Variants in TNFAIP8 observed in about 807,000 individuals in gnomAD.
The protein encoded by TNFAIP8 is TNF alpha induced protein 8, also known as tumor necrosis factor alpha-induced protein 8.
A neutral mutation model predicts 13.3 loss-of-function variants in TNFAIP8; 7 were observed. The ratio of observed to expected loss-of-function variants is 0.52; its 90% CI spans 0.30 to 0.99. TNFAIP8 has a LOEUF of 0.99. Among genes scored for constraint, TNFAIP8 ranks in the 50% least tolerant of loss-of-function variants. TNFAIP8 has a pLI of 0.07. For synonymous variants in TNFAIP8, 94 were observed against 87.6 expected, an observed-to-expected ratio of 1.07 and a Z score of -0.41; for missense variants, 258 against 236.9, an observed-to-expected ratio of 1.09 and a Z score of -0.58.
At position 119,338,501 on chromosome 5, in the gene TNFAIP8, G is replaced by A. The variant is rs746315392; in HGVS notation, c.2-54315G>A. Among the ~76,000 whole-genome samples, 9 of 152,202 alleles carry A rather than the reference G, an allele frequency of 5.9e-5. 1 individual carries two copies. The highest frequency in any genetic ancestry group is 1.3e-4 in the Non-Finnish European group (9 of 68,040). On this transcript the variant is annotated intron_variant, in intron 1 of 1. Transcript: ENST00000274456. ...ATCAGTCACCAGACAGGCCAGACAT[G>A]GCCCTGCTGGAGAGGAGGCTTTCGG... is the stretch of plus-strand genomic sequence containing the variant.
In TNFAIP8 at chr5:119,286,441, G is replaced by A. The variant is rs532140690; in HGVS notation, c.1+17534G>A. ...TCGAGACCATCCTGGCTAACACGGT[G>A]AAACCCCGTCTCTACTAAAAATGCA... is the stretch of plus-strand genomic sequence containing the variant. On this transcript the variant is annotated intron_variant, in intron 1 of 1. Transcript: ENST00000274456. 9.4e-4 allele frequency among the ~76,000 whole-genome samples: 143 copies of A among 152,254 alleles called. 1 individual carries two copies. The highest frequency in any genetic ancestry group is 3.2e-3 in the African/African-American group (132 of 41,536).
At chr5:119,279,372 G>T (rs1748561523) in intron 1 of TNFAIP8, among the ~76,000 whole-genome samples, 1 of 152,078 alleles carries the variant, frequency 6.6e-6, no homozygotes, top group South Asian at 2.1e-4. Flanking sequence ...TACAAAGCTT[G>T]TCTCCATGTT....
intron 1 of TNFAIP8, among the ~76,000 whole-genome samples, chr5:119,377,637 C>T (rs1423555128): frequency 6.6e-6 from 1 of 152,152 alleles, no homozygotes; most frequent in Non-Finnish European, 1.5e-5. Flanking sequence ...ATGTAGCTTC[C>T]TGAAGTCTAT....
intron 1 of TNFAIP8, among the ~76,000 whole-genome samples, chr5:119,359,957 A>G (rs970887147): frequency 2.6e-5 from 4 of 152,222 alleles, no homozygotes; most frequent in Non-Finnish European, 4.4e-5. Context: ...ACAAGGACTA[A>G]AAGTGGAAAA....
chr5:119,303,999 C>T (rs1160202600), intron 1 of TNFAIP8, among the ~76,000 whole-genome samples: 2 of 152,130 alleles, frequency 1.3e-5, no homozygotes, highest in African/African-American at 4.8e-5. Context: ...GAGTGACTGC[C>T]CTCCTGAGTC....
chr5:119,371,851 A>G (rs1347998670), intron 1 of TNFAIP8, among the ~76,000 whole-genome samples: 1 of 152,122 alleles, frequency 6.6e-6, no homozygotes, highest in Non-Finnish European at 1.5e-5. Flanking sequence ...GCAAAACCCC[A>G]TCTCGGCCGG....
intron 1 of TNFAIP8, among the ~76,000 whole-genome samples, chr5:119,390,961 G>C (rs1204460439): frequency 1.3e-5 from 2 of 151,308 alleles, no homozygotes; most frequent in East Asian, 3.9e-4. Flanking sequence ...TGGGACTACA[G>C]GTGCATGCCA....
At chr5:119,302,698 T>G (rs1749434045) in intron 1 of TNFAIP8, among the ~76,000 whole-genome samples, 5 of 152,222 alleles carry the variant, frequency 3.3e-5, no homozygotes, top group Admixed American at 3.3e-4. Flanking sequence ...ATCAGTGCGT[T>G]AATTTCCATT....
intron 1 of TNFAIP8, among the ~76,000 whole-genome samples, chr5:119,317,739 T>G (rs1749941651): frequency 6.6e-6 from 1 of 151,980 alleles, no homozygotes; most frequent in Admixed American, 6.5e-5. Context: ...GCTGGGATTA[T>G]AGGCATAGGC....
chr5:119,389,639 T>C (rs1008790095), intron 1 of TNFAIP8, among the ~76,000 whole-genome samples: 1 of 152,030 alleles, frequency 6.6e-6, no homozygotes, highest in Non-Finnish European at 1.5e-5. Flanking sequence ...AAAAAAACTT[T>C]CTCTAATGCT....
intron 1 of TNFAIP8, 40 bp downstream of exon 1, chr5:119,356,161 C>T (rs1562015967): frequency 6.5e-7 from 1 of 1,532,958 alleles, no homozygotes; most frequent in Non-Finnish European, 8.9e-7. Context: ...CCAAGTTCTG[C>T]GGAGGAATTT....
intron 1 of TNFAIP8, among the ~76,000 whole-genome samples, chr5:119,282,369 G>C (rs764080316): frequency 6.6e-6 from 1 of 152,182 alleles, no homozygotes; most frequent in Non-Finnish European, 1.5e-5. Context: ...AGCCTGTTGG[G>C]AACTGTCCCA....
intron 1 of TNFAIP8, among the ~76,000 whole-genome samples, chr5:119,285,965 C>CTTT (rs528518023): frequency 6.6e-6 from 1 of 150,852 alleles, no homozygotes; most frequent in Non-Finnish European, 1.5e-5. Context: ...AGTACATACG[C>CTTT]TTTTTTTTTA....
intron 1 of TNFAIP8, among the ~76,000 whole-genome samples, chr5:119,297,093 GTC>G (rs1317995220): frequency 2.0e-5 from 3 of 151,212 alleles, no homozygotes; most frequent in Non-Finnish European, 3.0e-5. Flanking sequence ...GGATTCATGT[GTC>G]TCTGTTTCCT....
At chr5:119,369,054 TC>T (rs1315999104) in intron 1 of TNFAIP8, among the ~76,000 whole-genome samples, 11,905 of 136,294 alleles carry the variant, frequency 0.087, 803 homozygotes, top group African/African-American at 0.24. Flanking sequence ...TCTTTTCTTT[TC>T]TTTTTTTTTT....
At chr5:119,293,305 T>A (rs1241772748) in intron 1 of TNFAIP8, among the ~76,000 whole-genome samples, 4 of 152,210 alleles carry the variant, frequency 2.6e-5, no homozygotes, top group African/African-American at 9.6e-5. Flanking sequence ...CCTTTTGAAC[T>A]TGTTCCTCCT....
At chr5:119,355,488 G>T, upstream of TNFAIP8, 1 of 611,974 alleles carries the variant, frequency 1.6e-6, no homozygotes, top group Non-Finnish European at 3.0e-6. Context: ...CCCCATGGAC[G>T]ATATCCATGC....
chr5:119,297,682 A>G (rs906815440), intron 1 of TNFAIP8, among the ~76,000 whole-genome samples: 4 of 152,120 alleles, frequency 2.6e-5, no homozygotes, highest in Non-Finnish European at 2.9e-5. Flanking sequence ...TGTCTTGTTG[A>G]TCTGTCTAAT....
At chr5:119,374,035 G>A (rs1398718845) in intron 1 of TNFAIP8, among the ~76,000 whole-genome samples, 1 of 151,924 alleles carries the variant, frequency 6.6e-6, no homozygotes, top group Non-Finnish European at 1.5e-5. Context: ...ATATATTTAG[G>A]GGAGTATCAG....
Sources: allele counts gnomAD v4.1 joint callset (sites outside exome capture counted in the v4.1 genomes callset), GRCh38; gene constraint gnomAD v4.1.1; transcripts MANE v1.5; gene names NCBI Gene and HGNC (gene_info 2026-07-23, HGNC 2026-07-21).